Variants in SYNE1 observed in about 807,000 individuals in gnomAD.
SYNE1 encodes the protein nesprin-1.
Under a neutral mutation model 1,111.0 loss-of-function variants are expected in SYNE1, and 616 were observed. That is an observed-to-expected ratio of 0.55 (90% CI 0.52 to 0.59). The LOEUF is 0.59. Ranked by LOEUF, SYNE1 falls within the 20% of genes least tolerant of loss-of-function variation. The pLI, the probability that SYNE1 is intolerant of heterozygous loss-of-function variation, is 0.00. For missense variants in SYNE1, 10,006 were observed against 10,417.0 expected, an observed-to-expected ratio of 0.96 and a Z score of 1.72; for synonymous variants, 3,855 against 3,825.8, an observed-to-expected ratio of 1.01 and a Z score of -0.28.
chr6:152,265,684 C>G (rs1242799917), intron 100 of SYNE1, among the ~76,000 whole-genome samples: 1 of 152,094 alleles, frequency 6.6e-6, no homozygotes, highest in Non-Finnish European at 1.5e-5. Context: ...AAAACATAGC[C>G]TTTTGTTCCC....
At chr6:152,449,856 G>A (rs919670040) in intron 27 of SYNE1, among the ~76,000 whole-genome samples, 2 of 152,146 alleles carry the variant, frequency 1.3e-5, no homozygotes, top group African/African-American at 4.8e-5. Flanking sequence ...AGGGTGATGG[G>A]GGAGCTCAGC....
In SYNE1 at chr6:152,381,214, T is replaced by A; in HGVS notation, c.8801A>T (p.Glu2934Val). Residue 2934 changes from glutamate to valine, a missense_variant, in exon 56 of 146, where the codon GAA (glutamate) becomes GTA (valine). Coordinates refer to ENST00000367255, the MANE Select transcript of SYNE1 (RefSeq NM_182961.4). ...GCTCTGCGTTTGGAATACACTGTCT[T>A]CCCACTGCTTCCAGTCGGCACGCAG... The part of the protein sequence containing the change: ...QALRADWKQW[E>V]DSVFQTQSCL... The A allele has an allele frequency of 6.2e-7, 1 of 1,614,242 alleles. No homozygotes were observed. Among genetic ancestry groups the A allele is most frequent in the South Asian group, 1.1e-5 (1 of 91,088 alleles).
chr6:152,222,103 C>A (rs1223976783), intron 117 of SYNE1, among the ~76,000 whole-genome samples: 1 of 152,188 alleles, frequency 6.6e-6, no homozygotes, highest in African/African-American at 2.4e-5. Context: ...TCTTAGCCAA[C>A]TGAGGTCAGT....
intron 133 of SYNE1, among the ~76,000 whole-genome samples, chr6:152,153,537 A>T (rs540378793): frequency 6.6e-6 from 1 of 152,362 alleles, no homozygotes; most frequent in East Asian, 1.9e-4. Context: ...AGAGTCTAAA[A>T]TAGCATCAAA....
At chr6:152,443,258 T>G (rs1207526781) in intron 30 of SYNE1, among the ~76,000 whole-genome samples, 3 of 152,114 alleles carry the variant, frequency 2.0e-5, no homozygotes, top group Non-Finnish European at 4.4e-5. Context: ...CACCAAATAT[T>G]AATTTTTTAT....
In SYNE1 at chr6:152,318,069, C is replaced by T. The variant is rs757749786; in HGVS notation, c.16572+12G>A. ...CCTTACACGATTTGGATTTCTGGCC[C>T]GGAACACATACCTGATTGAGCTTGG... On this transcript the variant is annotated intron_variant, in intron 86 of 145. Transcript: ENST00000367255. 55 of 1,614,020 alleles carry T rather than the reference C, an allele frequency of 3.4e-5. No homozygotes were observed. The highest frequency in any genetic ancestry group is 3.7e-5 in the Non-Finnish European group (44 of 1,180,038).
chr6:152,289,547 T>C (rs143629053), intron 95 of SYNE1, among the ~76,000 whole-genome samples: 2,493 of 152,306 alleles, frequency 0.016, 27 homozygotes, highest in Non-Finnish European at 0.024. Context: ...TGCACCACCA[T>C]GCCCAGCTAA....
At chr6:152,472,519 T>G in intron 14 of SYNE1, 106 bp from the exon 15 acceptor site, 1 of 1,021,692 alleles carries the variant, frequency 9.8e-7, no homozygotes, top group Non-Finnish European at 1.5e-6. Flanking sequence ...TTCAACAATT[T>G]GATCCCGCTG....
intron 2 of SYNE1, 88 bp downstream of exon 2, chr6:152,636,550 T>C (rs2099706201): frequency 6.5e-6 from 1 of 153,026 alleles, no homozygotes; most frequent in Non-Finnish European, 1.5e-5. Context: ...TTGCTGACAA[T>C]TTGTCTGCAA....
chr6:152,511,562 T>C lies in SYNE1; in HGVS notation c.310-459A>G, dbSNP rs371580053. 24 of 1,612,482 alleles carry C rather than the reference T, an allele frequency of 1.5e-5. No individual in the cohort carries two copies. The Admixed American group carries it at 2.8e-4, about 19-fold the overall frequency. On this transcript the variant is annotated intron_variant, in intron 6 of 145. Transcript: ENST00000367255. ...ATCAGGAGTTAAGAATTCTAAAATTTGTACTAACCGGTGATCCTCTGTGCA... is the reference window on the plus strand; with the variant it reads ...ATCAGGAGTTAAGAATTCTAAAATTCGTACTAACCGGTGATCCTCTGTGCA...
intron 137 of SYNE1, chr6:152,143,969 AG>A (rs1483091121): frequency 5.9e-6 from 4 of 679,212 alleles, no homozygotes; most frequent in African/African-American, 3.6e-5. Context: ...CTTGACTGAG[AG>A]CCCTAGCAGA....
chr6:152,165,661 C>A (rs866809054), intron 130 of SYNE1, among the ~76,000 whole-genome samples: 1 of 152,126 alleles, frequency 6.6e-6, no homozygotes, highest in Non-Finnish European at 1.5e-5. Context: ...CAATTCCACT[C>A]GAGATAAGAT....
intron 4 of SYNE1, 137 bp from the exon 5 acceptor site, chr6:152,526,312 A>T: frequency 1.2e-6 from 1 of 851,096 alleles, no homozygotes; most frequent in Non-Finnish European, 1.9e-6. Flanking sequence ...TTTATTTTGG[A>T]TTGAGTTGCC....
rs559966391 is a variant in SYNE1, at chr6:152,218,485, T to C, written c.22045-82A>G. ...TAATAAAGTCTGGTAAAAGGGCAAG[T>C]GGATATTAAAATTATTTTTCATATT... is the stretch of plus-strand genomic sequence containing the variant. On this transcript the variant is annotated intron_variant, in intron 120 of 145. Transcript: ENST00000367255. 35 of 1,458,250 alleles carry C rather than the reference T, an allele frequency of 2.4e-5. No individual in the cohort carries two copies. The African/African-American group carries it at 4.5e-4, about 19-fold the overall frequency. 90.3% of individuals were successfully genotyped at this position (1,458,250 alleles called of 1,614,324 possible). A position where few individuals can be genotyped will look rare whatever the true frequency, so the allele number is the denominator to read the frequency against.
intron 4 of SYNE1, among the ~76,000 whole-genome samples, chr6:152,536,377 A>T (rs1220478350): frequency 1.2e-5 from 1 of 83,282 alleles, no homozygotes; most frequent in African/African-American, 3.5e-5. Flanking sequence ...TATATATAGT[A>T]ATATATATAT....
chr6:152,506,196 C>T (rs976138890), intron 8 of SYNE1, among the ~76,000 whole-genome samples: 3 of 152,108 alleles, frequency 2.0e-5, no homozygotes, highest in African/African-American at 7.2e-5. Context: ...GCGAGGCAAG[C>T]TCACAATGAA....
At chr6:152,627,614 G>A (rs1047106283) in intron 3 of SYNE1, among the ~76,000 whole-genome samples, 5 of 152,080 alleles carry the variant, frequency 3.3e-5, no homozygotes, top group South Asian at 2.1e-4. Context: ...CCGAGATAGT[G>A]CTACTGCCCT....
intron 130 of SYNE1, among the ~76,000 whole-genome samples, chr6:152,165,082 C>T (rs2063354839): frequency 6.6e-6 from 1 of 151,814 alleles, no homozygotes; most frequent in African/African-American, 2.4e-5. Context: ...GCCCCCTCCC[C>T]CACCCCCACA....
intron 108 of SYNE1, among the ~76,000 whole-genome samples, 188 bp from the exon 109 acceptor site, chr6:152,237,136 A>G (rs1468644662): frequency 6.6e-6 from 1 of 152,186 alleles, no homozygotes; most frequent in Non-Finnish European, 1.5e-5. Context: ...CCTTGAAAGC[A>G]TTGTGAATGG....
Sources: gnomAD v4.1 joint callset for allele counts (sites outside exome capture counted in the v4.1 genomes callset) on GRCh38, gnomAD v4.1.1 for gene constraint, MANE v1.5 for transcripts, NCBI Gene and HGNC (gene_info 2026-07-23, HGNC 2026-07-21) for gene names.